CCDC102B: variants seen among roughly 807,000 people sequenced by gnomAD.
The protein encoded by CCDC102B is coiled-coil domain containing 102B, also known as coiled-coil domain-containing protein 102B.
A neutral mutation model predicts 57.4 loss-of-function variants in CCDC102B; 75 were observed. The ratio of observed to expected loss-of-function variants is 1.31; its 90% CI spans 1.08 to 1.58. The LOEUF (loss-of-function observed/expected upper bound fraction) is 1.58, where lower values mean the gene tolerates loss of function less well. Among genes scored for constraint, CCDC102B ranks in the 40% most tolerant of loss-of-function variants. The probability of loss-of-function intolerance (pLI) is 0.00; values close to 1 mark genes in which losing one functional copy is unlikely to be tolerated. For synonymous variants in CCDC102B, 206 were observed against 201.9 expected, an observed-to-expected ratio of 1.02 and a Z score of -0.17; for missense variants, 636 against 582.6, an observed-to-expected ratio of 1.09 and a Z score of -0.94.
At chr18:68,931,381 C>T (rs779508298) in intron 6 of CCDC102B, among the ~76,000 whole-genome samples, 4 of 151,638 alleles carry the variant, frequency 2.6e-5, no homozygotes, top group Admixed American at 6.6e-5. Flanking sequence ...GTTTTTAGTA[C>T]GTTCATATAG....
intron 2 of CCDC102B, among the ~76,000 whole-genome samples, chr18:68,730,288 T>C (rs2032798906): frequency 6.6e-6 from 1 of 152,162 alleles, no homozygotes; most frequent in Non-Finnish European, 1.5e-5. Context: ...ACAAAAAATT[T>C]AGTGCCGTGT....
intron 4 of CCDC102B, among the ~76,000 whole-genome samples, chr18:68,855,546 T>A (rs957317729): frequency 1.2e-4 from 19 of 152,204 alleles, no homozygotes; most frequent in African/African-American, 4.6e-4. Context: ...CAGAGTTGTA[T>A]AACTAATACC....
At chr18:68,853,672 TAAAAAAAAAAAAAAA>T (rs71175201) in intron 4 of CCDC102B, among the ~76,000 whole-genome samples, 35,906 of 95,840 alleles carry the variant, frequency 0.37, 6,787 homozygotes, top group East Asian at 0.72. Context: ...CCCCAAATTG[TAAAAAAAAAAAAAAA>T]AAAAAAAAAA....
chr18:68,836,676 A>G, intron 1 of CCDC102B, 73 bp from the exon 2 acceptor site: 1 of 1,133,764 alleles, frequency 8.8e-7, no homozygotes, highest in Non-Finnish European at 1.2e-6. Flanking sequence ...AAAAAAAAAA[A>G]AAAGTGTAGG....
chr18:68,770,936 A>G (rs905145721), intron 2 of CCDC102B, among the ~76,000 whole-genome samples: 1 of 152,372 alleles, frequency 6.6e-6, no homozygotes, highest in Non-Finnish European at 1.5e-5. Flanking sequence ...AGAATATTTA[A>G]TATGGTAAAA....
Position 68,837,234 on chromosome 18 carries a change from T to C in CCDC102B, c.471T>C (p.Asp157=), listed in dbSNP as rs369148444. 4 of 1,613,992 alleles carry C rather than the reference T, an allele frequency of 2.5e-6. No individual in the cohort carries two copies. The African/African-American group carries it at 5.3e-5, about 22-fold the overall frequency. ...KEALEAKVTQ[D]LKLPGFVEES... ...CATTAGAAGCTAAAGTTACCCAGGA[T>C]CTGAAGCTTCCTGGCTTCGTAGAAG... Residue 157 remains aspartate (D), a synonymous_variant, in exon 2 of 8, where the codon GAT becomes GAC. Coordinates refer to ENST00000360242, the MANE Select transcript of CCDC102B (RefSeq NM_024781.3).
At chr18:68,942,572 A>G (rs1022524723) in intron 6 of CCDC102B, among the ~76,000 whole-genome samples, 3 of 152,054 alleles carry the variant, frequency 2.0e-5, no homozygotes, top group Non-Finnish European at 4.4e-5. Context: ...AAAGAAAAAA[A>G]TGCTGTGCTT....
At chr18:68,912,199 G>A (rs2040901002) in intron 6 of CCDC102B, among the ~76,000 whole-genome samples, 1 of 151,984 alleles carries the variant, frequency 6.6e-6, no homozygotes, top group South Asian at 2.1e-4. Context: ...TATAGTTTCA[G>A]TCCTGGGTTA....
intron 2 of CCDC102B, 105 bp downstream of exon 2, chr18:68,837,474 G>T: frequency 9.0e-7 from 1 of 1,105,714 alleles, no homozygotes; most frequent in Non-Finnish European, 1.3e-6. Context: ...TAGCCTGCCA[G>T]GGCTACCATA....
chr18:68,987,290 C>T (rs556432744), intron 6 of CCDC102B, among the ~76,000 whole-genome samples: 30 of 152,190 alleles, frequency 2.0e-4, no homozygotes, highest in African/African-American at 7.0e-4. Context: ...ATCTGATCTT[C>T]GACAAAGCTG....
intron 5 of CCDC102B, among the ~76,000 whole-genome samples, chr18:68,875,859 A>G (rs1405073497): frequency 1.3e-5 from 2 of 152,152 alleles, no homozygotes; most frequent in Non-Finnish European, 2.9e-5. Flanking sequence ...TAGGAGAATT[A>G]TATCCTCCCT....
intron 6 of CCDC102B, among the ~76,000 whole-genome samples, chr18:68,985,820 G>T (rs2050708288): frequency 6.6e-6 from 1 of 152,086 alleles, no homozygotes; most frequent in Non-Finnish European, 1.5e-5. Flanking sequence ...AAGAGGCCCT[G>T]GGAAATTGAT....
intron 2 of CCDC102B, among the ~76,000 whole-genome samples, chr18:68,742,340 G>C (rs2033428455): frequency 6.6e-6 from 1 of 152,052 alleles, no homozygotes; most frequent in South Asian, 2.1e-4. Context: ...AGTCATATTT[G>C]ATTAAAGGCC....
At chr18:68,846,977 C>G (rs565842251) in intron 4 of CCDC102B, among the ~76,000 whole-genome samples, 168 of 151,784 alleles carry the variant, frequency 1.1e-3, no homozygotes, top group African/African-American at 3.9e-3. Flanking sequence ...AATAAAATGC[C>G]ATCATGAACG....
At chr18:68,873,539 A>G (rs1457714595) in intron 4 of CCDC102B, among the ~76,000 whole-genome samples, 1 of 152,118 alleles carries the variant, frequency 6.6e-6, no homozygotes, top group East Asian at 1.9e-4. Flanking sequence ...GTGAATTTAG[A>G]AAAGTTACTT....
chr18:69,041,762 A>G (rs1047111425), intron 7 of CCDC102B, among the ~76,000 whole-genome samples: 1 of 151,698 alleles, frequency 6.6e-6, no homozygotes, highest in Non-Finnish European at 1.5e-5. Flanking sequence ...TCATTTCTCA[A>G]TTGCTCTGAT....
At chr18:68,754,479 A>G (rs1226655460) in intron 2 of CCDC102B, 12 of 152,076 alleles carry the variant, frequency 7.9e-5, no homozygotes, top group African/African-American at 2.9e-4. Context: ...TTTGAGGGGA[A>G]GGCTGGGCAT....
At chr18:68,717,019 G>A (rs919424408) in intron 2 of CCDC102B, among the ~76,000 whole-genome samples, 3 of 151,112 alleles carry the variant, frequency 2.0e-5, no homozygotes, top group Non-Finnish European at 4.4e-5. Flanking sequence ...CGAGCTTGCA[G>A]TGAGTTGAAA....
intron 3 of CCDC102B, among the ~76,000 whole-genome samples, chr18:68,844,318 A>G (rs972288479): frequency 6.6e-6 from 1 of 151,410 alleles, no homozygotes; most frequent in African/African-American, 2.4e-5. Flanking sequence ...AATTCTCAAA[A>G]TTAATTTTAA....
Sources: gnomAD v4.1 joint callset for allele counts (sites outside exome capture counted in the v4.1 genomes callset) on GRCh38, gnomAD v4.1.1 for gene constraint, MANE v1.5 for transcripts, NCBI Gene and HGNC (gene_info 2026-07-23, HGNC 2026-07-21) for gene names.